CCPG1: variants seen among roughly 807,000 people sequenced by gnomAD.
The protein encoded by CCPG1 is cell cycle progression protein 1.
Under a neutral mutation model 81.3 loss-of-function variants are expected in CCPG1, and 46 were observed. The ratio of observed to expected loss-of-function variants is 0.57; its 90% CI spans 0.45 to 0.72. CCPG1 has a LOEUF of 0.72. Among genes scored for constraint, CCPG1 ranks in the 30% least tolerant of loss-of-function variants. The pLI is 0.00. For missense variants in CCPG1, 902 were observed against 937.6 expected, an observed-to-expected ratio of 0.96 and a Z score of 0.50; for synonymous variants, 330 against 305.2, an observed-to-expected ratio of 1.08 and a Z score of -0.85.
At chr15:55,392,392 A>G (rs1186461536) in intron 1 of CCPG1, among the ~76,000 whole-genome samples, 1 of 151,494 alleles carries the variant, frequency 6.6e-6, no homozygotes, top group African/African-American at 2.4e-5. Flanking sequence ...TTGTACTTTT[A>G]GTAGAGACGG....
chr15:55,366,244 T>C (rs1019968910), intron 6 of CCPG1, among the ~76,000 whole-genome samples: 1 of 152,070 alleles, frequency 6.6e-6, no homozygotes, highest in African/African-American at 2.4e-5. Context: ...GCCTCCCTTA[T>C]ACAGAGAAAT....
chr15:55,374,128 G>T (rs2056509602), intron 5 of CCPG1: 1 of 1,223,058 alleles, frequency 8.2e-7, no homozygotes, highest in Non-Finnish European at 1.1e-6. Context: ...CAGCTCTAGA[G>T]AAGCTGGTCA....
At chr15:55,368,972 C>T (rs960912772) in intron 6 of CCPG1, among the ~76,000 whole-genome samples, 8 of 152,010 alleles carry the variant, frequency 5.3e-5, no homozygotes, top group Middle Eastern at 6.9e-3. Context: ...AGTAGCCAGG[C>T]GTGCTGGCGG....
chr15:55,384,425 T>A (rs2056760531), intron 3 of CCPG1, among the ~76,000 whole-genome samples: 1 of 152,152 alleles, frequency 6.6e-6, no homozygotes, highest in African/African-American at 2.4e-5. Context: ...TTTGGGAGGT[T>A]GACACAGGTG....
intron 1 of CCPG1, among the ~76,000 whole-genome samples, chr15:55,406,476 T>A: frequency 6.9e-6 from 1 of 145,682 alleles, no homozygotes. Flanking sequence ...TTTTTTGAGA[T>A]AATCTCACTC....
At chr15:55,365,129 C>T (rs902506244) in intron 7 of CCPG1, 59 bp downstream of exon 7, 3 of 1,042,420 alleles carry the variant, frequency 2.9e-6, no homozygotes, top group Non-Finnish European at 4.3e-6. Context: ...ACAATAAGCT[C>T]TAACTAATAA....
chr15:55,369,261 T>A (rs983532172), intron 6 of CCPG1, among the ~76,000 whole-genome samples: 2 of 149,590 alleles, frequency 1.3e-5, no homozygotes, highest in Non-Finnish European at 3.0e-5. Context: ...TCTTGCCAGG[T>A]GCGGTGGCTC....
At position 55,356,412 on chromosome 15, in the gene CCPG1, G is replaced by A; in HGVS notation, c.2235-3C>T. The A allele has an allele frequency of 6.6e-7, 1 of 1,515,736 alleles. No homozygotes were observed. Among genetic ancestry groups the A allele is most frequent in the Non-Finnish European group, 8.8e-7 (1 of 1,136,150 alleles). 93.9% of individuals were successfully genotyped at this position (1,515,736 alleles called of 1,614,324 possible). A position where few individuals can be genotyped will look rare whatever the true frequency, so the allele number is the denominator to read the frequency against. ...TACGTTGCTTTTTATCAGGTCGACTGAAAGCAGTAAACACATTTTTCATCT... is the reference window on the plus strand; with the variant it reads ...TACGTTGCTTTTTATCAGGTCGACTAAAAGCAGTAAACACATTTTTCATCT... On this transcript the variant is annotated splice_polypyrimidine_tract_variant and splice_region_variant and intron_variant, in intron 8 of 8. Transcript: ENST00000442196.
chr15:55,392,288 C>G (rs1306046958), intron 1 of CCPG1, among the ~76,000 whole-genome samples: 2 of 150,060 alleles, frequency 1.3e-5, no homozygotes, highest in East Asian at 3.9e-4. Flanking sequence ...CTCGGCTCAC[C>G]ACAACCTCTG....
At chr15:55,397,451 GCTA>G (rs1303516280) in intron 1 of CCPG1, among the ~76,000 whole-genome samples, 1 of 152,146 alleles carries the variant, frequency 6.6e-6, no homozygotes, top group East Asian at 1.9e-4. Flanking sequence ...CATTTGCATG[GCTA>G]CTATGATAAT....
intron 4 of CCPG1, among the ~76,000 whole-genome samples, chr15:55,377,889 A>T (rs1566973908): frequency 7.2e-6 from 1 of 138,330 alleles, no homozygotes; most frequent in Non-Finnish European, 1.6e-5. Flanking sequence ...ATCACCCAGT[A>T]TCAGGTATTT....
At chr15:55,357,390 T>C (rs897039383) in intron 8 of CCPG1, 34 of 985,380 alleles carry the variant, frequency 3.5e-5, no homozygotes, top group Non-Finnish European at 4.1e-5. Context: ...CATGTCTGTA[T>C]TATATTGACC....
chr15:55,367,897 T>A (rs1023106915), intron 6 of CCPG1, among the ~76,000 whole-genome samples: 1 of 152,206 alleles, frequency 6.6e-6, no homozygotes, highest in Non-Finnish European at 1.5e-5. Context: ...ATTACAGAAC[T>A]CTTAACTGAC....
At chr15:55,406,530 T>G (rs529208667) in intron 1 of CCPG1, among the ~76,000 whole-genome samples, 2 of 149,140 alleles carry the variant, frequency 1.3e-5, no homozygotes, top group South Asian at 4.3e-4. Flanking sequence ...TGTGGCTCAC[T>G]GCAACCTCCG....
intron 3 of CCPG1, 41 bp downstream of exon 3, chr15:55,385,559 T>G (rs1230421954): frequency 9.7e-7 from 1 of 1,025,772 alleles, no homozygotes; most frequent in South Asian, 1.5e-5. Flanking sequence ...ATCACTCATA[T>G]ATCATATTAA....
rs1281698304 is a variant in CCPG1 at position 55,387,671 on chromosome 15, A to G, written c.60+1694T>C. On this transcript the variant is annotated intron_variant, in intron 2 of 8. Coordinates refer to ENST00000442196, the MANE Select transcript of CCPG1 (RefSeq NM_001204450.2). ...GCGATTGTCCTGCCTCAACCTCCCA[A>G]ATAGCTGGGATTACAGGCATGTGCG... 2.0e-5 allele frequency among the ~76,000 whole-genome samples: 3 copies of G among 151,506 alleles called. No individual in the cohort carries two copies. The East Asian group carries it at 5.9e-4, about 30-fold the overall frequency.
chr15:55,362,653 T>G (rs1036569149), intron 7 of CCPG1, among the ~76,000 whole-genome samples: 7 of 152,160 alleles, frequency 4.6e-5, no homozygotes, highest in Admixed American at 4.6e-4. Context: ...GATGTTGACA[T>G]AAGTGATTGA....
intron 1 of CCPG1, among the ~76,000 whole-genome samples, chr15:55,406,458 T>G (rs904854703): frequency 6.2e-5 from 9 of 144,528 alleles, no homozygotes; most frequent in Admixed American, 1.4e-4. Flanking sequence ...TTGTTTTTTT[T>G]TTTTTGTTTT....
chr15:55,383,343 TTTG>T (rs2056739045), intron 3 of CCPG1, among the ~76,000 whole-genome samples: 1 of 152,210 alleles, frequency 6.6e-6, no homozygotes, highest in Admixed American at 6.5e-5. Flanking sequence ...TCACCTAGGC[TTTG>T]TTGTTCCATT....
Sources: gnomAD v4.1 joint callset for allele counts (sites outside exome capture counted in the v4.1 genomes callset) on GRCh38, gnomAD v4.1.1 for gene constraint, MANE v1.5 for transcripts, NCBI Gene and HGNC (gene_info 2026-07-23, HGNC 2026-07-21) for gene names.